DMBT1: variants seen among roughly 807,000 people sequenced by gnomAD.
The protein encoded by DMBT1 is deleted in malignant brain tumors 1, also known as scavenger receptor cysteine-rich domain-containing protein DMBT1.
DMBT1 carries 198 observed loss-of-function variants against 252.9 expected under a neutral mutation model. The ratio of observed to expected loss-of-function variants is 0.78; its 90% CI spans 0.70 to 0.88. DMBT1 has a LOEUF of 0.88. Ranked by LOEUF, DMBT1 falls within the 40% of genes least tolerant of loss-of-function variation. The pLI is 0.00. For synonymous variants in DMBT1, 990 were observed against 942.7 expected (o/e 1.05, Z -0.92); for missense variants, 2,432 against 2,404.7 (o/e 1.01, Z -0.24).
Position 122,577,955 on chromosome 10 carries a change from AC to A in DMBT1, c.637+120del, listed in dbSNP as rs1165726951. 9.5e-6 allele frequency: 11 copies of A among 1,152,548 alleles called. No homozygotes were observed. In the Admixed American group the frequency reaches 1.9e-4, roughly 20 times the overall value. The allele number at this position is 1,152,548 out of a possible 1,614,324, so 71.4% of individuals were successfully genotyped here. On this transcript the variant is annotated intron_variant, in intron 8 of 55. Transcript: ENST00000338354. Reference sequence around the variant, plus strand: ...CAGATACTCTGGGGCATATTATTTCACCCCCAACTCTGTAACTGAGACCCTA... The same window carrying A: ...CAGATACTCTGGGGCATATTATTTCACCCCAACTCTGTAACTGAGACCCTA...
intron 53 of DMBT1, among the ~76,000 whole-genome samples, chr10:122,636,411 G>A (rs2098227477): frequency 6.6e-6 from 1 of 151,752 alleles, no homozygotes; most frequent in South Asian, 2.1e-4. Flanking sequence ...GATGGGTGAT[G>A]ATTGGTCTTA....
chr10:122,633,612 G>A (rs1200857612), intron 52 of DMBT1, among the ~76,000 whole-genome samples: 4 of 152,296 alleles, frequency 2.6e-5, no homozygotes, highest in African/African-American at 9.6e-5. Context: ...TCACCAATTT[G>A]CTGTGTGACC....
intron 1 of DMBT1, among the ~76,000 whole-genome samples, chr10:122,562,000 T>C (rs1348940830): frequency 6.6e-6 from 1 of 151,908 alleles, no homozygotes; most frequent in Non-Finnish European, 1.5e-5. Flanking sequence ...GCAGCTATTA[T>C]CACCTTCCCT....
At position 122,590,780 on chromosome 10, in the gene DMBT1, A is replaced by T. The variant is rs564483997; in HGVS notation, c.2137+86A>T. Reference sequence around the variant, plus strand: ...CCCATTCCACAGAGCCCTCCTTCTTACCTGTGTGGATACTGTGGGTCATAC... The same window carrying T: ...CCCATTCCACAGAGCCCTCCTTCTTTCCTGTGTGGATACTGTGGGTCATAC... On this transcript the variant is annotated intron_variant, in intron 18 of 55. Coordinates refer to ENST00000338354, the MANE Select transcript of DMBT1 (RefSeq NM_001377530.1). The T allele has an allele frequency of 2.3e-5, 34 of 1,475,456 alleles. 1 individual carries two copies. In the African/African-American group the frequency reaches 3.5e-4, roughly 15 times the overall value. 91.4% of individuals were successfully genotyped at this position (1,475,456 alleles called of 1,614,324 possible).
intron 46 of DMBT1, among the ~76,000 whole-genome samples, chr10:122,627,612 A>G (rs1591528731): frequency 6.6e-6 from 1 of 152,362 alleles, no homozygotes; most frequent in South Asian, 2.1e-4. Context: ...GTGACTATAT[A>G]CAATAGCATA....
intron 19 of DMBT1, among the ~76,000 whole-genome samples, chr10:122,591,890 C>T (rs1340035238): frequency 6.7e-6 from 1 of 149,172 alleles, no homozygotes; most frequent in East Asian, 2.1e-4. Flanking sequence ...GTGTTGCCAT[C>T]CCTGGCAATT....
intron 4 of DMBT1, 42 bp from the exon 5 acceptor site, chr10:122,572,272 A>G (rs778491820): frequency 3.1e-6 from 5 of 1,611,752 alleles, no homozygotes; most frequent in Non-Finnish European, 4.2e-6. Flanking sequence ...CTCTTCAAGC[A>G]AGGGCTACCA....
chr10:122,567,210 G>A (rs765461522), intron 2 of DMBT1, among the ~76,000 whole-genome samples: 1 of 152,216 alleles, frequency 6.6e-6, no homozygotes, highest in Non-Finnish European at 1.5e-5. Context: ...AGAGGCTGAG[G>A]CAGGGAGACC....
chr10:122,578,337 T>G (rs2097731383), intron 8 of DMBT1, among the ~76,000 whole-genome samples: 1 of 152,166 alleles, frequency 6.6e-6, no homozygotes, highest in Non-Finnish European at 1.5e-5. Flanking sequence ...GTGCCTTCAC[T>G]TACCAGGAAA....
chr10:122,589,289 T>C (rs2097825550), intron 17 of DMBT1, 22 bp downstream of exon 17: 1 of 1,588,140 alleles, frequency 6.3e-7, no homozygotes, highest in Non-Finnish European at 8.6e-7. Flanking sequence ...GCAATTTTGG[T>C]TTCCTCTCTT....
intron 55 of DMBT1, among the ~76,000 whole-genome samples, chr10:122,642,061 G>T (rs913025037): frequency 6.6e-6 from 1 of 152,152 alleles, no homozygotes; most frequent in Non-Finnish European, 1.5e-5. Context: ...TACGGCAAAT[G>T]CAATGACTGC....
chr10:122,641,713 T>A (rs964018124), intron 55 of DMBT1, among the ~76,000 whole-genome samples: 9 of 152,178 alleles, frequency 5.9e-5, no homozygotes, highest in African/African-American at 2.2e-4. Flanking sequence ...TGCCAAAGGA[T>A]TCTTTCTGGT....
chr10:122,635,778 A>G (rs542991849), intron 52 of DMBT1, among the ~76,000 whole-genome samples: 50 of 152,258 alleles, frequency 3.3e-4, no homozygotes, highest in African/African-American at 1.2e-3. Context: ...CTGGTCTCGA[A>G]CTTATGACCT....
At chr10:122,577,744 T>TCGGTGG in intron 7 of DMBT1, 67 bp from the exon 8 acceptor site, 1 of 1,591,166 alleles carries the variant, frequency 6.3e-7, no homozygotes, top group South Asian at 1.1e-5. Flanking sequence ...CCCAAGTCAC[T>TCGGTGG]TCAGCCTTAA....
In DMBT1 at chr10:122,621,506, T is replaced by C. The variant is rs28541870; in HGVS notation, c.5608+126T>C. On this transcript the variant is annotated intron_variant, in intron 44 of 55. Transcript: ENST00000338354. Reference sequence around the variant, plus strand: ...GTTTCCTGTGTTTTTGAAGACTTGTTAGCTCTCTGCTAAGAATCCATATGA... The same window carrying C: ...GTTTCCTGTGTTTTTGAAGACTTGTCAGCTCTCTGCTAAGAATCCATATGA... The C allele has an allele frequency of 8.2e-3, 12,184 of 1,478,906 alleles. 514 individuals carry two copies. In the East Asian group the frequency reaches 0.12, roughly 14 times the overall value. 91.6% of individuals were successfully genotyped at this position (1,478,906 alleles called of 1,614,324 possible). A position where few individuals can be genotyped will look rare whatever the true frequency, so the allele number is the denominator to read the frequency against.
chr10:122,572,271 C>T (rs1042298838), intron 4 of DMBT1, 43 bp from the exon 5 acceptor site: 1 of 1,611,370 alleles, frequency 6.2e-7, no homozygotes, highest in Non-Finnish European at 8.5e-7. Flanking sequence ...CCTCTTCAAG[C>T]AAGGGCTACC....
intron 15 of DMBT1, among the ~76,000 whole-genome samples, chr10:122,585,660 C>G (rs1046440882): frequency 2.7e-5 from 4 of 148,554 alleles, no homozygotes; most frequent in African/African-American, 9.7e-5. Flanking sequence ...AGTGAGTGTC[C>G]CCACACCTGT....
intron 7 of DMBT1, among the ~76,000 whole-genome samples, chr10:122,577,424 C>T (rs1469131355): frequency 2.0e-5 from 3 of 152,146 alleles, no homozygotes; most frequent in African/African-American, 7.2e-5. Context: ...AGCAGGGGGA[C>T]CTCCTAGAGT....
At chr10:122,595,175 G>GCGTGCCCTGGTGACTTA (rs373297798) in intron 22 of DMBT1, 128 bp from the exon 23 acceptor site, 1 of 2 alleles carries the variant, frequency 0.5, no homozygotes, top group Non-Finnish European at 0.5. Context: ...CATTGTGACT[G>GCGTGCCCTGGTGACTTA]CGTGCCCTGG....
Sources: allele counts gnomAD v4.1 joint callset (sites outside exome capture counted in the v4.1 genomes callset), GRCh38; gene constraint gnomAD v4.1.1; transcripts MANE v1.5; gene names NCBI Gene and HGNC (gene_info 2026-07-23, HGNC 2026-07-21).